The following AAK1 variants were observed in gnomAD, a reference collection of about 807,000 sequenced individuals.
AAK1 encodes AP2-associated protein kinase 1.
In AAK1, 37 loss-of-function variants were observed where a neutral mutation model predicts 116.0. The observed-to-expected ratio is 0.32, with a 90% CI of 0.25 to 0.42. The LOEUF (loss-of-function observed/expected upper bound fraction) is 0.42, where lower values mean the gene tolerates loss of function less well. Among genes scored for constraint, AAK1 ranks in the 10% least tolerant of loss-of-function variants. The probability of loss-of-function intolerance (pLI) is 1.00; values close to 1 mark genes in which losing one functional copy is unlikely to be tolerated. For synonymous variants in AAK1, 458 were observed against 439.9 expected, an observed-to-expected ratio of 1.04 and a Z score of -0.51; for missense variants, 919 against 1,170.6, an observed-to-expected ratio of 0.79 and a Z score of 3.14.
intron 5 of AAK1, among the ~76,000 whole-genome samples, chr2:69,535,041 A>C (rs1300837231): frequency 6.6e-6 from 1 of 152,202 alleles, no homozygotes; most frequent in African/African-American, 2.4e-5. Context: ...TTGCCGATGA[A>C]ATCACTTATT....
intron 2 of AAK1, among the ~76,000 whole-genome samples, chr2:69,618,985 A>G (rs1244086245): frequency 7.2e-5 from 11 of 152,168 alleles, no homozygotes; most frequent in Admixed American, 1.3e-4. Flanking sequence ...CCCTGCTTAG[A>G]CAGGCTTGTC....
At position 69,461,420 on chromosome 2, in the gene AAK1, A is replaced by G. The variant is rs1674338345; in HGVS notation, c.*14449T>C. 2 of 238,600 alleles carry G rather than the reference A, an allele frequency of 8.4e-6. No homozygotes were observed. The highest frequency in any genetic ancestry group is 7.5e-5 in the South Asian group (2 of 26,602). 14.8% of individuals were successfully genotyped at this position (238,600 alleles called of 1,614,324 possible). A position where few individuals can be genotyped will look rare whatever the true frequency, so the allele number is the denominator to read the frequency against. On this transcript the variant is annotated 3_prime_UTR_variant, in exon 22 of 22. Transcript: ENST00000409085. The stretch of plus-strand genomic sequence containing the variant: ...TTTCTCTTTAAGGAAATAAGACCCT[A>G]CTGTAATACAAGTCGGCAGAATCTA...
chr2:69,523,592 T>C (rs1558933661), intron 10 of AAK1, among the ~76,000 whole-genome samples: 2 of 152,192 alleles, frequency 1.3e-5, no homozygotes, highest in Non-Finnish European at 1.5e-5. Context: ...AGTATAAATA[T>C]CTCCTGCGCT....
At chr2:69,553,085 G>GA (rs1168244072) in intron 3 of AAK1, among the ~76,000 whole-genome samples, 7 of 151,746 alleles carry the variant, frequency 4.6e-5, no homozygotes, top group Non-Finnish European at 1.0e-4. Flanking sequence ...AGAAAAAGGG[G>GA]AAAAAAATGA....
At chr2:69,513,068 T>C (rs1329991752) in intron 13 of AAK1, among the ~76,000 whole-genome samples, 1 of 152,166 alleles carries the variant, frequency 6.6e-6, no homozygotes, top group Non-Finnish European at 1.5e-5. Context: ...CATGTACTAA[T>C]TTTTTTAAAA....
At chr2:69,578,649 G>A (rs1427992089) in intron 2 of AAK1, among the ~76,000 whole-genome samples, 1 of 151,994 alleles carries the variant, frequency 6.6e-6, no homozygotes, top group Non-Finnish European at 1.5e-5. Flanking sequence ...TCTATCTGAA[G>A]CCCAGCCTGG....
intron 16 of AAK1, among the ~76,000 whole-genome samples, chr2:69,498,698 TG>T (rs2104941598): frequency 6.6e-6 from 1 of 152,374 alleles, no homozygotes; most frequent in African/African-American, 2.4e-5. Flanking sequence ...AAGGTGGGAT[TG>T]CTGGATGGAC....
At chr2:69,497,734 G>A (rs1167164796) in intron 16 of AAK1, among the ~76,000 whole-genome samples, 6 of 151,584 alleles carry the variant, frequency 4.0e-5, no homozygotes, top group South Asian at 2.1e-4. Flanking sequence ...TTTAAAAAAC[G>A]TTTTATTTTG....
intron 11 of AAK1, among the ~76,000 whole-genome samples, chr2:69,520,613 C>T (rs867857633): frequency 3.3e-5 from 5 of 152,096 alleles, no homozygotes; most frequent in South Asian, 2.1e-4. Flanking sequence ...ATGATTCACC[C>T]GCCTTAGCCT....
At chr2:69,538,340 A>C (rs1045672116) in intron 5 of AAK1, among the ~76,000 whole-genome samples, 1 of 152,188 alleles carries the variant, frequency 6.6e-6, no homozygotes, top group African/African-American at 2.4e-5. Flanking sequence ...TGTTCAGTGC[A>C]GTGAAGGAAG....
At position 69,643,026 on chromosome 2, in the gene AAK1, GA is replaced by G; in HGVS notation, c.14del (p.Phe5SerfsTer59). 1.2e-6 allele frequency: 2 copies of G among 1,603,824 alleles called. No individual in the cohort carries two copies. Among genetic ancestry groups the G allele is most frequent in the Non-Finnish European group, 1.7e-6 (2 of 1,176,318 alleles). ...AGCCGCCCTGCTCTCGCCGGGAGTCGAAAAACTTCTTCATCTTGCGAATAGG... is the reference window on the plus strand; with the variant it reads ...AGCCGCCCTGCTCTCGCCGGGAGTCGAAAACTTCTTCATCTTGCGAATAGG... Reference protein sequence around the residue: MKKFFDSRREQGGSG... With the variant: MKKFXDSRREQGGSG... On this transcript the variant is annotated frameshift_variant, in exon 2 of 22. Coordinates refer to ENST00000409085, the MANE Select transcript of AAK1 (RefSeq NM_014911.5). LOFTEE classifies it high-confidence loss of function.
chr2:69,552,708 C>T (rs1252241496), intron 3 of AAK1, among the ~76,000 whole-genome samples: 1 of 150,972 alleles, frequency 6.6e-6, no homozygotes, highest in African/African-American at 2.4e-5. Flanking sequence ...AAGAAGACTC[C>T]GTCTCAAAAA....
chr2:69,467,894 TA>T lies in AAK1; in HGVS notation c.*7974del. On this transcript the variant is annotated 3_prime_UTR_variant, in exon 22 of 22. Coordinates refer to ENST00000409085, the MANE Select transcript of AAK1 (RefSeq NM_014911.5). ...TTTATAAGATACTGTACAAAAATAC[TA>T]TGTTTCTCTGAATCCTATAACTTTT... 1 of 985,300 alleles carries T rather than the reference TA, an allele frequency of 1.0e-6. No homozygotes were observed. Among genetic ancestry groups the T allele is most frequent in the Non-Finnish European group, 1.2e-6 (1 of 829,798 alleles). 61.0% of individuals were successfully genotyped at this position (985,300 alleles called of 1,614,324 possible). A position where few individuals can be genotyped will look rare whatever the true frequency, so the allele number is the denominator to read the frequency against.
chr2:69,488,148 A>ATGTG (rs1558902318), intron 17 of AAK1, among the ~76,000 whole-genome samples: 2 of 93,990 alleles, frequency 2.1e-5, no homozygotes, highest in African/African-American at 9.7e-5. Flanking sequence ...GTGTGTGTGG[A>ATGTG]CGTGTGTGTG....
chr2:69,533,603 T>G (rs978306569), intron 5 of AAK1, among the ~76,000 whole-genome samples: 1 of 152,198 alleles, frequency 6.6e-6, no homozygotes, highest in Non-Finnish European at 1.5e-5. Context: ...TATGGTGGTG[T>G]TGTGAGGAGC....
At chr2:69,548,967 C>T (rs1171854686) in intron 3 of AAK1, among the ~76,000 whole-genome samples, 1 of 152,188 alleles carries the variant, frequency 6.6e-6, no homozygotes, top group African/African-American at 2.4e-5. Flanking sequence ...AGACAGCCCT[C>T]ACCCGTTAGA....
At chr2:69,509,581 A>C in intron 13 of AAK1, 121 bp from the exon 14 acceptor site, 34 of 801,470 alleles carry the variant, frequency 4.2e-5, no homozygotes, top group Non-Finnish European at 6.1e-5. Flanking sequence ...CATGAAACTC[A>C]CATGGCTAAG....
rs973501657 is a variant in AAK1 at position 69,461,956 on chromosome 2, A to C, written c.*13913T>G. The C allele has an allele frequency of 1.9e-5, 3 of 155,602 alleles. No homozygotes were observed. The highest frequency in any genetic ancestry group is 7.2e-5 in the African/African-American group (3 of 41,394). 9.6% of individuals were successfully genotyped at this position (155,602 alleles called of 1,614,324 possible). A position where few individuals can be genotyped will look rare whatever the true frequency, so the allele number is the denominator to read the frequency against. ...ACGAAGTATTCAACTATGTAGTAAA[A>C]TCACCATGATTTTATCCTGATTTGC... On this transcript the variant is annotated 3_prime_UTR_variant, in exon 22 of 22. Coordinates refer to ENST00000409085, the MANE Select transcript of AAK1 (RefSeq NM_014911.5).
At chr2:69,499,701 G>C (rs897656194) in intron 16 of AAK1, among the ~76,000 whole-genome samples, 1 of 152,032 alleles carries the variant, frequency 6.6e-6, no homozygotes, top group Non-Finnish European at 1.5e-5. Context: ...CTGCTTTTAA[G>C]TCCTTGAAAT....
Sources: allele counts gnomAD v4.1 joint callset (sites outside exome capture counted in the v4.1 genomes callset), GRCh38; gene constraint gnomAD v4.1.1; transcripts MANE v1.5; gene names NCBI Gene and HGNC (gene_info 2026-07-23, HGNC 2026-07-21).